Variants in SLC10A7 observed in about 807,000 individuals in gnomAD.
The protein encoded by SLC10A7 is solute carrier family 10 member 7.
A neutral mutation model predicts 43.2 loss-of-function variants in SLC10A7; 29 were observed. That is an observed-to-expected ratio of 0.67 (90% CI 0.50 to 0.92). The LOEUF is 0.92. SLC10A7 is among the 40% of genes least tolerant of loss of function. SLC10A7 has a pLI of 0.00. For synonymous variants in SLC10A7, 152 were observed against 144.8 expected (o/e 1.05, Z -0.35); for missense variants, 295 against 403.2 (o/e 0.73, Z 2.30).
intron 5 of SLC10A7, among the ~76,000 whole-genome samples, chr4:146,409,315 G>A (rs922741353): frequency 3.5e-5 from 5 of 142,258 alleles, no homozygotes; most frequent in African/African-American, 7.9e-5. Context: ...GAAAAAAAAT[G>A]CTATTGAATA....
At chr4:146,389,123 T>C (rs72729852) in intron 5 of SLC10A7, among the ~76,000 whole-genome samples, 32,701 of 151,928 alleles carry the variant, frequency 0.22, 3,665 homozygotes, top group African/African-American at 0.27. Flanking sequence ...AGCTAAACAA[T>C]GGACACAGAG....
At chr4:146,286,144 G>A (rs1729911081) in intron 9 of SLC10A7, among the ~76,000 whole-genome samples, 1 of 152,076 alleles carries the variant, frequency 6.6e-6, no homozygotes, top group Admixed American at 6.5e-5. Context: ...GGATTGGTGA[G>A]AAGGACTGAG....
At chr4:146,448,303 T>C (rs991378254) in intron 4 of SLC10A7, among the ~76,000 whole-genome samples, 4 of 152,140 alleles carry the variant, frequency 2.6e-5, no homozygotes, top group African/African-American at 9.7e-5. Flanking sequence ...GCAAGCTCTT[T>C]CATTGCTGAA....
At chr4:146,377,894 G>A (rs970747284) in intron 5 of SLC10A7, among the ~76,000 whole-genome samples, 3 of 152,080 alleles carry the variant, frequency 2.0e-5, no homozygotes, top group African/African-American at 7.2e-5. Context: ...AACTTCATAG[G>A]TTTATATGCC....
At chr4:146,486,457 A>T (rs1188775783) in intron 4 of SLC10A7, among the ~76,000 whole-genome samples, 1 of 152,242 alleles carries the variant, frequency 6.6e-6, no homozygotes, top group Non-Finnish European at 1.5e-5. Flanking sequence ...AATAGTGTGA[A>T]TTCAGAGGAG....
intron 7 of SLC10A7, among the ~76,000 whole-genome samples, chr4:146,299,202 G>C (rs1730989083): frequency 6.6e-6 from 1 of 152,028 alleles, no homozygotes; most frequent in Non-Finnish European, 1.5e-5. Context: ...TCATAATTTG[G>C]CACTCCTGGT....
At chr4:146,341,437 G>C (rs1428001985) in intron 5 of SLC10A7, among the ~76,000 whole-genome samples, 2 of 151,750 alleles carry the variant, frequency 1.3e-5, no homozygotes, top group Non-Finnish European at 3.0e-5. Flanking sequence ...TTGATATTCT[G>C]TATTTTGAAC....
chr4:146,369,417 A>G (rs940948191), intron 5 of SLC10A7, among the ~76,000 whole-genome samples: 49 of 152,332 alleles, frequency 3.2e-4, no homozygotes, highest in African/African-American at 1.1e-3. Flanking sequence ...TTGGACAAAT[A>G]TATGTAAACA....
At chr4:146,291,910 T>C (rs1730468310) in intron 9 of SLC10A7, among the ~76,000 whole-genome samples, 1 of 152,222 alleles carries the variant, frequency 6.6e-6, no homozygotes, top group African/African-American at 2.4e-5. Flanking sequence ...CCATGGTAAC[T>C]TTCTCTAACC....
intron 6 of SLC10A7, 123 bp downstream of exon 6, chr4:146,325,838 G>T: frequency 1.2e-6 from 1 of 867,258 alleles, no homozygotes; most frequent in Non-Finnish European, 1.8e-6. Flanking sequence ...CAGCTAAACT[G>T]GAACAACAAT....
Position 146,283,128 on chromosome 4 carries a change from T to C in SLC10A7, c.847+64A>G, listed in dbSNP as rs148493194. ...TTTAATTTGAAGAGTTCTTTGAATATCAAAGTCATAAGATGTAACTATATG... is the reference window on the plus strand; with the variant it reads ...TTTAATTTGAAGAGTTCTTTGAATACCAAAGTCATAAGATGTAACTATATG... On this transcript the variant is annotated intron_variant, in intron 10 of 11. Transcript: ENST00000335472. The C allele has an allele frequency of 9.3e-4, 1,201 of 1,296,474 alleles. 8 individuals are homozygous for C. The African/African-American group carries it at 0.014, about 15-fold the overall frequency. The allele number at this position is 1,296,474 out of a possible 1,614,324, so 80.3% of individuals were successfully genotyped here. A position where few individuals can be genotyped will look rare whatever the true frequency, so the allele number is the denominator to read the frequency against.
At chr4:146,344,676 G>C (rs889402577) in intron 5 of SLC10A7, among the ~76,000 whole-genome samples, 6 of 151,960 alleles carry the variant, frequency 3.9e-5, no homozygotes, top group Non-Finnish European at 8.8e-5. Context: ...GAGTTTTCCA[G>C]AGGCTACATG....
intron 3 of SLC10A7, among the ~76,000 whole-genome samples, chr4:146,505,303 T>A (rs1412428735): frequency 1.3e-5 from 2 of 152,200 alleles, no homozygotes; most frequent in Admixed American, 6.5e-5. Flanking sequence ...GTAAATATAT[T>A]TTTTCTTCCT....
chr4:146,342,500 C>T (rs977916404), intron 5 of SLC10A7, among the ~76,000 whole-genome samples: 2 of 151,678 alleles, frequency 1.3e-5, no homozygotes, highest in African/African-American at 4.8e-5. Context: ...TTAGATCACA[C>T]ACAACGTAAC....
chr4:146,396,025 C>T (rs897274552), intron 5 of SLC10A7, among the ~76,000 whole-genome samples: 2 of 152,116 alleles, frequency 1.3e-5, no homozygotes, highest in African/African-American at 2.4e-5. Flanking sequence ...CGACAATCTA[C>T]GAGGTTTTTC....
chr4:146,290,315 C>T (rs1376163225), intron 9 of SLC10A7, among the ~76,000 whole-genome samples: 1 of 123,452 alleles, frequency 8.1e-6, no homozygotes, highest in Non-Finnish European at 1.6e-5. Flanking sequence ...TAGAGCAAGA[C>T]TCCATCTCAA....
chr4:146,480,757 T>C (rs1248549931), intron 4 of SLC10A7, among the ~76,000 whole-genome samples: 9 of 151,868 alleles, frequency 5.9e-5, no homozygotes, highest in Admixed American at 5.9e-4. Flanking sequence ...GTTCTAAAGA[T>C]GAAGTTGAGG....
At chr4:146,317,289 C>A (rs917755083) in intron 6 of SLC10A7, among the ~76,000 whole-genome samples, 1 of 152,062 alleles carries the variant, frequency 6.6e-6, no homozygotes, top group East Asian at 1.9e-4. Flanking sequence ...CATTCAAAAA[C>A]ATTCAAAAAA....
chr4:146,438,853 A>G (rs541973089), intron 5 of SLC10A7, among the ~76,000 whole-genome samples: 2 of 152,198 alleles, frequency 1.3e-5, no homozygotes, highest in African/African-American at 4.8e-5. Context: ...AAAAGATGTC[A>G]GTATCTATTT....
Sources: gnomAD v4.1 joint callset for allele counts (sites outside exome capture counted in the v4.1 genomes callset) on GRCh38, gnomAD v4.1.1 for gene constraint, MANE v1.5 for transcripts, NCBI Gene and HGNC (gene_info 2026-07-23, HGNC 2026-07-21) for gene names.